DPYD: variants seen among roughly 807,000 people sequenced by gnomAD.
The protein encoded by DPYD is dihydropyrimidine dehydrogenase.
A neutral mutation model predicts 116.2 loss-of-function variants in DPYD; 109 were observed. The ratio of observed to expected loss-of-function variants is 0.94; its 90% CI spans 0.80 to 1.10. The LOEUF (loss-of-function observed/expected upper bound fraction) is 1.10. Ranked by LOEUF, DPYD falls within the 50% of genes least tolerant of loss-of-function variation. The pLI is 0.00. For synonymous variants in DPYD, 440 were observed against 432.0 expected (o/e 1.02, Z -0.23); for missense variants, 1,302 against 1,254.5 (o/e 1.04, Z -0.57).
chr1:97,136,680 C>T (rs1653827921), intron 20 of DPYD, among the ~76,000 whole-genome samples: 1 of 152,132 alleles, frequency 6.6e-6, no homozygotes. Context: ...AAGGGAGAAT[C>T]ACGTATTTGG....
chr1:97,324,727 G>T (rs2101131521), intron 16 of DPYD, among the ~76,000 whole-genome samples: 1 of 152,082 alleles, frequency 6.6e-6, no homozygotes, highest in South Asian at 2.1e-4. Flanking sequence ...ATTTTAATAT[G>T]TCATAATGAG....
At chr1:97,772,552 A>G (rs1276742408) in intron 3 of DPYD, among the ~76,000 whole-genome samples, 1 of 152,206 alleles carries the variant, frequency 6.6e-6, no homozygotes, top group African/African-American at 2.4e-5. Flanking sequence ...GCATTTGATG[A>G]GGAAACAGAT....
intron 3 of DPYD, among the ~76,000 whole-genome samples, chr1:97,825,626 TG>T (rs1669195127): frequency 1.7e-4 from 2 of 11,446 alleles, no homozygotes; most frequent in South Asian, 4.2e-3. Flanking sequence ...TGTCATGGGG[TG>T]GGGGGAGGGG....
intron 1 of DPYD, among the ~76,000 whole-genome samples, chr1:97,916,352 C>T (rs982988998): frequency 1.3e-5 from 2 of 152,002 alleles, no homozygotes; most frequent in Non-Finnish European, 2.9e-5. Flanking sequence ...ACAACAGGCC[C>T]CGGTGTGTGA....
chr1:97,288,751 A>G (rs1222533039), intron 18 of DPYD, among the ~76,000 whole-genome samples: 1 of 149,786 alleles, frequency 6.7e-6, no homozygotes, highest in Non-Finnish European at 1.5e-5. Flanking sequence ...TCCAAAATTG[A>G]CACCCTAACA....
chr1:97,581,196 G>A (rs999299450), intron 10 of DPYD, among the ~76,000 whole-genome samples: 4 of 151,842 alleles, frequency 2.6e-5, no homozygotes, highest in Non-Finnish European at 2.9e-5. Flanking sequence ...GGGTGGTGGC[G>A]GGCGCCTGTA....
intron 3 of DPYD, among the ~76,000 whole-genome samples, chr1:97,812,011 C>T (rs1324582556): frequency 1.3e-5 from 2 of 152,084 alleles, no homozygotes; most frequent in African/African-American, 4.8e-5. Context: ...TCTTTCTTTC[C>T]TCATCAGTTA....
chr1:97,373,755 T>C, intron 15 of DPYD, 111 bp from the exon 16 acceptor site: 1 of 931,210 alleles, frequency 1.1e-6, no homozygotes, highest in Non-Finnish European at 1.7e-6. Flanking sequence ...CTATTCTGTT[T>C]TCTGCATCAC....
At chr1:97,703,156 A>T (rs1346223738) in intron 5 of DPYD, among the ~76,000 whole-genome samples, 1 of 151,928 alleles carries the variant, frequency 6.6e-6, no homozygotes, top group African/African-American at 2.4e-5. Context: ...ACAACTTTTT[A>T]TTGCACTAGG....
chr1:97,444,655 T>A (rs556964001), intron 14 of DPYD, among the ~76,000 whole-genome samples: 1 of 152,194 alleles, frequency 6.6e-6, no homozygotes, highest in South Asian at 2.1e-4. Context: ...ATTCATTGTA[T>A]CCACAGGAGA....
intron 1 of DPYD, among the ~76,000 whole-genome samples, chr1:97,892,801 T>C (rs1199629833): frequency 6.6e-6 from 1 of 151,846 alleles, no homozygotes; most frequent in East Asian, 1.9e-4. Context: ...TAAAAATTTA[T>C]GAAGGAAAGA....
chr1:97,473,843 C>CA (rs1275989569), intron 13 of DPYD, among the ~76,000 whole-genome samples: 1 of 151,610 alleles, frequency 6.6e-6, no homozygotes, highest in Non-Finnish European at 1.5e-5. Context: ...CCCATCTCTA[C>CA]AAAAAACATA....
At chr1:97,421,520 T>G (rs1208694182) in intron 14 of DPYD, among the ~76,000 whole-genome samples, 1 of 151,152 alleles carries the variant, frequency 6.6e-6, no homozygotes, top group African/African-American at 2.5e-5. Context: ...AGGATGGGTT[T>G]TTGGTCAGTT....
At chr1:97,101,565 C>CTG (rs937269201) in intron 20 of DPYD, among the ~76,000 whole-genome samples, 7 of 150,388 alleles carry the variant, frequency 4.7e-5, no homozygotes, top group African/African-American at 1.5e-4. Context: ...TAGTTGGCCA[C>CTG]TGTGTGTGTG....
chr1:97,720,655 A>G, intron 5 of DPYD: 2 of 1,297,986 alleles, frequency 1.5e-6, no homozygotes, highest in Non-Finnish European at 2.0e-6. Context: ...CCCAAAATGA[A>G]AGAACACATT....
rs542667566 is a variant in DPYD, at chr1:97,352,621, G to C, written c.2058+20940C>G. Among the ~76,000 whole-genome samples the C allele has an allele frequency of 2.5e-4, 38 of 151,418 alleles. No individual in the cohort carries two copies. In the South Asian group the frequency reaches 7.9e-3, roughly 32 times the overall value. ...TGAACTGATCTACAGGGAAGAAATA[G>C]GTCTACACTGTTTTCAAAAAAAACT... is the stretch of plus-strand genomic sequence containing the variant. On this transcript the variant is annotated intron_variant, in intron 16 of 22. Transcript: ENST00000370192.
At chr1:97,657,731 T>A (rs1041942261) in intron 8 of DPYD, among the ~76,000 whole-genome samples, 3 of 152,184 alleles carry the variant, frequency 2.0e-5, no homozygotes, top group African/African-American at 7.2e-5. Flanking sequence ...TTTATCTTAA[T>A]AACGGTATCA....
chr1:97,431,034 G>C (rs1241227371), intron 14 of DPYD, among the ~76,000 whole-genome samples: 1 of 151,982 alleles, frequency 6.6e-6, no homozygotes, highest in Non-Finnish European at 1.5e-5. Context: ...TGACCTGCAG[G>C]ACAATTAATT....
intron 14 of DPYD, among the ~76,000 whole-genome samples, chr1:97,433,997 C>T (rs1385683051): frequency 6.6e-6 from 1 of 152,042 alleles, no homozygotes; most frequent in Non-Finnish European, 1.5e-5. Flanking sequence ...CCCACCCATA[C>T]TTTGTAACCC....
Sources: allele counts gnomAD v4.1 joint callset (sites outside exome capture counted in the v4.1 genomes callset), GRCh38; gene constraint gnomAD v4.1.1; transcripts MANE v1.5; gene names NCBI Gene and HGNC (gene_info 2026-07-23, HGNC 2026-07-21).